CES5A: variants seen among roughly 807,000 people sequenced by gnomAD.
The protein encoded by CES5A is carboxylesterase 5.
In CES5A, 67 loss-of-function variants were observed where a neutral mutation model predicts 62.9. That is an observed-to-expected ratio of 1.07 (90% CI 0.88 to 1.31). The LOEUF (loss-of-function observed/expected upper bound fraction) is 1.31, where lower values mean the gene tolerates loss of function less well. Among genes scored for constraint, CES5A ranks in the 50% most tolerant of loss-of-function variants. CES5A has a pLI of 0.00. For synonymous variants in CES5A, 296 were observed against 280.8 expected (o/e 1.05, Z -0.54); for missense variants, 748 against 708.5 (o/e 1.06, Z -0.63).
chr16:55,900,550 C>A (rs1179277566), intron 1 of CES5A, among the ~76,000 whole-genome samples: 4 of 152,192 alleles, frequency 2.6e-5, no homozygotes, highest in Non-Finnish European at 5.9e-5. Flanking sequence ...AGGAGGGGAA[C>A]TTGTCTTCCA....
chr16:55,945,865 A>C (rs2034489318), intron 2 of CES5A, among the ~76,000 whole-genome samples: 1 of 152,090 alleles, frequency 6.6e-6, no homozygotes, highest in Non-Finnish European at 1.5e-5. Context: ...ACTATCACTC[A>C]GTCAGGCTCT....
At chr16:55,904,606 C>A (rs562995508) in intron 1 of CES5A, among the ~76,000 whole-genome samples, 13 of 152,344 alleles carry the variant, frequency 8.5e-5, no homozygotes, top group African/African-American at 3.1e-4. Context: ...CTCGTTGTCT[C>A]TCTTAATCTT....
chr16:55,848,630 G>A (rs566051715), intron 11 of CES5A, among the ~76,000 whole-genome samples: 5 of 152,136 alleles, frequency 3.3e-5, no homozygotes, highest in South Asian at 4.1e-4. Flanking sequence ...TTTCTTTTCC[G>A]TGAACTATCT....
intron 4 of CES5A, among the ~76,000 whole-genome samples, chr16:55,866,675 A>C (rs1567330914): frequency 7.2e-6 from 1 of 138,686 alleles, no homozygotes; most frequent in African/African-American, 2.6e-5. Flanking sequence ...AAAAAAAAAA[A>C]AAATACAAAA....
intron 1 of CES5A, among the ~76,000 whole-genome samples, chr16:55,893,331 A>G (rs1431974721): frequency 1.3e-5 from 2 of 152,154 alleles, no homozygotes; most frequent in African/African-American, 4.8e-5. Context: ...AAAAAATTGG[A>G]ATCATAAAGA....
chr16:55,851,764 T>G (rs2033137409), intron 10 of CES5A, among the ~76,000 whole-genome samples: 1 of 152,192 alleles, frequency 6.6e-6, no homozygotes, highest in Non-Finnish European at 1.5e-5. Flanking sequence ...CCTTGCACAA[T>G]AGCTGAATGG....
chr16:55,900,019 C>T (rs1366541345), intron 1 of CES5A, among the ~76,000 whole-genome samples: 1 of 152,168 alleles, frequency 6.6e-6, no homozygotes, highest in East Asian at 1.9e-4. Context: ...ATGGCAGCCA[C>T]GTGGCCCAGA....
intron 2 of CES5A, among the ~76,000 whole-genome samples, chr16:55,937,873 C>T (rs1469467623): frequency 6.6e-6 from 1 of 152,202 alleles, no homozygotes; most frequent in Non-Finnish European, 1.5e-5. Context: ...AGATTCCATG[C>T]TCTTGACAAC....
chr16:55,926,946 C>T (rs184347380), upstream of CES5A, among the ~76,000 whole-genome samples: 8 of 152,246 alleles, frequency 5.3e-5, no homozygotes, highest in Admixed American at 5.2e-4. Flanking sequence ...AGCCATGTTT[C>T]CTCTTCTGTT....
Position 55,864,981 on chromosome 16 carries a change from C to T in CES5A, c.705+982G>A, listed in dbSNP as rs9941293. Reference sequence around the variant, plus strand: ...CAGCACTTTGGGAACCCAAGGTGGGCGGATCACCTGAAGTCGGGAGTTTGA... The same window carrying T: ...CAGCACTTTGGGAACCCAAGGTGGGTGGATCACCTGAAGTCGGGAGTTTGA... On this transcript the variant is annotated intron_variant, in intron 5 of 12. Coordinates refer to ENST00000290567, the MANE Select transcript of CES5A (RefSeq NM_001143685.2). 2.6e-3 allele frequency among the ~76,000 whole-genome samples: 399 copies of T among 151,984 alleles called. 3 individuals carry two copies. The highest frequency in any genetic ancestry group is 9.1e-3 in the African/African-American group (376 of 41,462).
At chr16:55,934,443 T>G (rs936898464) in intron 2 of CES5A, among the ~76,000 whole-genome samples, 5 of 152,190 alleles carry the variant, frequency 3.3e-5, no homozygotes, top group Admixed American at 1.3e-4. Flanking sequence ...TAATTTAATA[T>G]CAGTACAATA....
At chr16:55,847,749 A>G (rs75595820) in intron 11 of CES5A, among the ~76,000 whole-genome samples, 4,670 of 152,316 alleles carry the variant, frequency 0.031, 242 homozygotes, top group African/African-American at 0.1. Context: ...ATTTATATGC[A>G]ATCATATATA....
exon 1 of CES5A, chr16:55,955,987 A>G: frequency 1.5e-6 from 2 of 1,304,724 alleles, no homozygotes; most frequent in South Asian, 1.3e-5. Context: ...CAGCTGATAA[A>G]GAAAAGTCAA....
chr16:55,878,221 A>G (rs2033718565), upstream of CES5A, among the ~76,000 whole-genome samples: 1 of 152,112 alleles, frequency 6.6e-6, no homozygotes, highest in Non-Finnish European at 1.5e-5. Flanking sequence ...CCCTGCTGAT[A>G]GGTGGTAAAA....
rs748679236 is a variant in CES5A, at chr16:55,846,415, G to C, written c.*36C>G. ...AATGATTGCGGGAGAAATTATGGGA[G>C]GAGAAGGGAAACCAAAATCACAGAA... On this transcript the variant is annotated 3_prime_UTR_variant, in exon 13 of 13. Transcript: ENST00000290567. The C allele has an allele frequency of 6.6e-7, 1 of 1,518,706 alleles. No individual in the cohort carries two copies. The highest frequency in any genetic ancestry group is 1.1e-5 in the South Asian group (1 of 88,492). The allele number at this position is 1,518,706 out of a possible 1,614,324, so 94.1% of individuals were successfully genotyped here.
intron 1 of CES5A, among the ~76,000 whole-genome samples, chr16:55,918,803 T>C (rs2034172552): frequency 6.6e-6 from 1 of 152,176 alleles, no homozygotes; most frequent in Non-Finnish European, 1.5e-5. Flanking sequence ...TTTCTTAGCC[T>C]CTCAATCTCA....
At chr16:55,931,022 TA>T (rs2034305652) in intron 2 of CES5A, among the ~76,000 whole-genome samples, 1 of 152,198 alleles carries the variant, frequency 6.6e-6, no homozygotes, top group African/African-American at 2.4e-5. Context: ...GATTACCAAT[TA>T]AGCCCAAAAC....
At chr16:55,863,121 C>G (rs372767268) in intron 6 of CES5A, among the ~76,000 whole-genome samples, 1 of 152,164 alleles carries the variant, frequency 6.6e-6, no homozygotes, top group Admixed American at 6.5e-5. Flanking sequence ...AGAACCATAA[C>G]GCACATACAC....
At chr16:55,862,575 A>G (rs1173169069) in intron 6 of CES5A, among the ~76,000 whole-genome samples, 3 of 152,234 alleles carry the variant, frequency 2.0e-5, no homozygotes, top group African/African-American at 7.2e-5. Flanking sequence ...TGTTACCAAA[A>G]TCAATATTTC....
Sources: allele counts gnomAD v4.1 joint callset (sites outside exome capture counted in the v4.1 genomes callset), GRCh38; gene constraint gnomAD v4.1.1; transcripts MANE v1.5; gene names NCBI Gene and HGNC (gene_info 2026-07-23, HGNC 2026-07-21).